Variants in PDGFRB observed in about 807,000 individuals in gnomAD.
PDGFRB encodes the protein platelet-derived growth factor receptor beta.
Under a neutral mutation model 120.2 loss-of-function variants are expected in PDGFRB, and 42 were observed. That is an observed-to-expected ratio of 0.35 (90% CI 0.27 to 0.45). The LOEUF is 0.45. Ranked by LOEUF, PDGFRB falls within the 20% of genes least tolerant of loss-of-function variation. The pLI is 1.00. For synonymous variants in PDGFRB, 586 were observed against 606.8 expected (o/e 0.97, Z 0.50); for missense variants, 1,149 against 1,476.3 (o/e 0.78, Z 3.63).
chr5:150,145,921 G>A lies in PDGFRB; in HGVS notation c.-6-8868C>T, dbSNP rs116397464. ...ATAAAGTCGTCAGCCTTATCTTTTC[G>A]CCTTCTTTGTCCCAACTTCTCCTTT... On this transcript the variant is annotated intron_variant, in intron 1 of 22. Coordinates refer to ENST00000261799, the MANE Select transcript of PDGFRB (RefSeq NM_002609.4). Among the ~76,000 whole-genome samples the A allele has an allele frequency of 7.1e-3, 1,086 of 152,178 alleles. 14 individuals are homozygous for A. The highest frequency in any genetic ancestry group is 0.024 in the African/African-American group (987 of 41,512).
In PDGFRB at chr5:150,120,183, C is replaced by G; in HGVS notation, c.2587-60G>C. On this transcript the variant is annotated intron_variant, in intron 18 of 22. Coordinates refer to ENST00000261799, the MANE Select transcript of PDGFRB (RefSeq NM_002609.4). This position sits in a 1 kb window ranked among gnomAD's most constrained non-coding sequence, Gnocchi z 4.3. ...GAAGGACCTCAGCCCCACTCTGCAC[C>G]TGGGATGGGAGGAGGGTATCTGGCA... is the stretch of plus-strand genomic sequence containing the variant. 1 of 790,812 alleles carries G rather than the reference C, an allele frequency of 1.3e-6. No homozygotes were observed. The highest frequency in any genetic ancestry group is 2.3e-6 in the Non-Finnish European group (1 of 432,352). The allele number at this position is 790,812 out of a possible 1,614,324, so 49.0% of individuals were successfully genotyped here.
intron 1 of PDGFRB, among the ~76,000 whole-genome samples, chr5:150,138,595 G>C (rs983830305): frequency 6.6e-6 from 1 of 152,032 alleles, no homozygotes; most frequent in East Asian, 1.9e-4. Context: ...AGGTCTCCTC[G>C]TTTCTTCCTC....
intron 22 of PDGFRB, 91 bp downstream of exon 22, chr5:150,117,527 A>AGCGCGC (rs148754488): frequency 1.5e-4 from 83 of 557,372 alleles, no homozygotes; most frequent in South Asian, 1.3e-3. Context: ...CAAACCTGGC[A>AGCGCGC]GCGCGCGCGC....
intron 1 of PDGFRB, among the ~76,000 whole-genome samples, chr5:150,146,506 G>T (rs1012292155): frequency 6.6e-6 from 1 of 152,178 alleles, no homozygotes; most frequent in Non-Finnish European, 1.5e-5. Context: ...GCAAAGGAAC[G>T]GGAATGCAAA....
Position 150,121,063 on chromosome 5 carries a change from C to T in PDGFRB, c.2464-53G>A. The T allele has an allele frequency of 6.3e-7, 1 of 1,594,992 alleles. No individual in the cohort carries two copies. Among genetic ancestry groups the T allele is most frequent in the South Asian group, 1.1e-5 (1 of 90,630 alleles). Reference sequence around the variant, plus strand: ...CCTTGGGGACAATTGTGGGGAAAGACCCTTCATGTCAAGGGCTTTGGGAAA... The same window carrying T: ...CCTTGGGGACAATTGTGGGGAAAGATCCTTCATGTCAAGGGCTTTGGGAAA... On this transcript the variant is annotated intron_variant, in intron 17 of 22. Transcript: ENST00000261799. The surrounding 1 kb of genome is among the most constrained non-coding windows in gnomAD (Gnocchi z 4.1).
At chr5:150,129,678 G>T (rs1760397777) in intron 10 of PDGFRB, 79 bp downstream of exon 10, 3 of 1,214,178 alleles carry the variant, frequency 2.5e-6, no homozygotes, top group Non-Finnish European at 2.4e-6. Context: ...CCTGCTGTGG[G>T]TACATGGGCA....
At chr5:150,141,657 C>CT (rs1384064247) in intron 1 of PDGFRB, among the ~76,000 whole-genome samples, 2 of 152,260 alleles carry the variant, frequency 1.3e-5, no homozygotes, top group East Asian at 3.9e-4. Context: ...AGTTACTTAG[C>CT]TGAGAATCAA....
chr5:150,131,420 T>C (rs1436593780), intron 8 of PDGFRB, among the ~76,000 whole-genome samples: 1 of 152,142 alleles, frequency 6.6e-6, no homozygotes, highest in East Asian at 1.9e-4. Context: ...CAAATGTCAC[T>C]TCCTCAGCCC....
At chr5:150,131,499 G>A (rs570442864) in intron 8 of PDGFRB, among the ~76,000 whole-genome samples, 16 of 152,112 alleles carry the variant, frequency 1.1e-4, no homozygotes, top group South Asian at 2.1e-4. Flanking sequence ...TTCCCTACCC[G>A]GCCCCTGTTT....
chr5:150,144,882 C>T (rs1404195457), intron 1 of PDGFRB, among the ~76,000 whole-genome samples: 1 of 152,270 alleles, frequency 6.6e-6, no homozygotes, highest in South Asian at 2.1e-4. Flanking sequence ...GGCCCTGAGT[C>T]CCCCCACCCA....
chr5:150,124,481 G>A (rs576447320), intron 13 of PDGFRB, 121 bp from the exon 14 acceptor site: 10 of 729,614 alleles, frequency 1.4e-5, no homozygotes, highest in East Asian at 5.3e-5. Context: ...GCAGCCTGGC[G>A]GGGGTGAGCA....
At position 150,138,945 on chromosome 5, in the gene PDGFRB, C is replaced by T. The variant is rs375374544; in HGVS notation, c.-6-1892G>A. Reference sequence around the variant, plus strand: ...TATTCTAAAGGAGGAATTTGGCCGGCTGGCCAGGAGAAGGGAGGTCACTGC... The same window carrying T: ...TATTCTAAAGGAGGAATTTGGCCGGTTGGCCAGGAGAAGGGAGGTCACTGC... On this transcript the variant is annotated intron_variant, in intron 1 of 22. Coordinates refer to ENST00000261799, the MANE Select transcript of PDGFRB (RefSeq NM_002609.4). Among the ~76,000 whole-genome samples the T allele has an allele frequency of 3.3e-5, 5 of 152,254 alleles. No individual in the cohort carries two copies. In the East Asian group the frequency reaches 7.7e-4, roughly 23 times the overall value.
At position 150,117,550 on chromosome 5, in the gene PDGFRB, A is replaced by G. The variant is rs769968208; in HGVS notation, c.3137+68T>C. On this transcript the variant is annotated intron_variant, in intron 22 of 22. Transcript: ENST00000261799. The stretch of plus-strand genomic sequence containing the variant: ...GCAGCGCGCGCGCGCGCGCGCACAC[A>G]CACACACACACACACACACACACAC... The G allele has an allele frequency of 0.066, 36,514 of 551,506 alleles. 655 individuals are homozygous for G. Among genetic ancestry groups the G allele is most frequent in the African/African-American group, 0.17 (4,538 of 26,148 alleles). 34.2% of individuals were successfully genotyped at this position (551,506 alleles called of 1,614,324 possible).
intron 10 of PDGFRB, 136 bp downstream of exon 10, chr5:150,129,621 G>A (rs1232720585): frequency 6.0e-6 from 4 of 667,038 alleles, no homozygotes; most frequent in African/African-American, 1.8e-5. Flanking sequence ...TACACAACAG[G>A]GTTTCACAAT....
At chr5:150,134,491 A>C (rs1238669101) in intron 4 of PDGFRB, among the ~76,000 whole-genome samples, 1 of 152,198 alleles carries the variant, frequency 6.6e-6, no homozygotes, top group Admixed American at 6.5e-5. Context: ...GCTGGCTCTG[A>C]AGCTTGTGCC....
chr5:150,127,070 G>GGACT, intron 10 of PDGFRB, among the ~76,000 whole-genome samples: 1 of 152,196 alleles, frequency 6.6e-6, no homozygotes, highest in Non-Finnish European at 1.5e-5. Context: ...AGTGGCCGGT[G>GGACT]GACTGAGTGA....
At chr5:150,152,403 C>T (rs1050036194) in intron 1 of PDGFRB, among the ~76,000 whole-genome samples, 1 of 152,154 alleles carries the variant, frequency 6.6e-6, no homozygotes, top group Non-Finnish European at 1.5e-5. Flanking sequence ...TGAGGTGCTA[C>T]AAGCCCTGAC....
chr5:150,119,660 CTGGTA>C, intron 19 of PDGFRB, 94 bp from the exon 20 acceptor site: 1 of 801,532 alleles, frequency 1.2e-6, no homozygotes, highest in South Asian at 1.4e-5. Flanking sequence ...CATGCTGGCC[CTGGTA>C]TGGGTAAGGG....
Position 150,125,584 on chromosome 5 carries a change from G to A in PDGFRB, c.1675-7C>T. On this transcript the variant is annotated splice_polypyrimidine_tract_variant and splice_region_variant and intron_variant, in intron 11 of 22. Coordinates refer to ENST00000261799, the MANE Select transcript of PDGFRB (RefSeq NM_002609.4). ...GGATCTCGTAACGTGGCTTCTGGAG[G>A]ACCAACCCCAGGAATTAGTTATCAG... 1 of 1,613,784 alleles carries A rather than the reference G, an allele frequency of 6.2e-7. No homozygotes were observed. The highest frequency in any genetic ancestry group is 8.5e-7 in the Non-Finnish European group (1 of 1,179,734).
Sources: gnomAD v4.1 joint callset for allele counts (sites outside exome capture counted in the v4.1 genomes callset) on GRCh38, gnomAD v4.1.1 for gene constraint, Gnocchi (gnomAD v3.1) non-coding constraint, MANE v1.5 for transcripts, NCBI Gene and HGNC (gene_info 2026-07-23, HGNC 2026-07-21) for gene names.